Variants in MAP2K4 observed in about 807,000 individuals in gnomAD.
MAP2K4 encodes mitogen-activated protein kinase kinase 4.
In MAP2K4, 4 loss-of-function variants were observed where a neutral mutation model predicts 48.5. The observed-to-expected ratio is 0.08, with a 90% CI of 0.04 to 0.19. MAP2K4 has a LOEUF of 0.19. MAP2K4 is among the 10% of genes least tolerant of loss of function. The pLI is 1.00. For synonymous variants in MAP2K4, 166 were observed against 173.1 expected (o/e 0.96, Z 0.32); for missense variants, 258 against 493.3 (o/e 0.52, Z 4.52).
At chr17:12,103,352 T>TA (rs1008362472) in intron 4 of MAP2K4, among the ~76,000 whole-genome samples, 7 of 152,162 alleles carry the variant, frequency 4.6e-5, no homozygotes, top group Non-Finnish European at 8.8e-5. Context: ...TGGCCTCCGT[T>TA]ACATGATTTT....
chr17:12,107,952 T>A, intron 5 of MAP2K4, 43 bp downstream of exon 5: 1 of 1,468,752 alleles, frequency 6.8e-7, no homozygotes. Context: ...TATATAGTTA[T>A]ATAGAGATGC....
At chr17:12,125,241 C>T (rs1972818177) in intron 7 of MAP2K4, 53 bp from the exon 8 acceptor site, 1 of 1,363,304 alleles carries the variant, frequency 7.3e-7, no homozygotes, top group Non-Finnish European at 1.1e-6. Flanking sequence ...TTCCATTTGC[C>T]TATTCCTTGA....
At chr17:12,133,228 CATG>C (rs1973090206) in intron 9 of MAP2K4, among the ~76,000 whole-genome samples, 3 of 152,118 alleles carry the variant, frequency 2.0e-5, no homozygotes, top group African/African-American at 7.2e-5. Context: ...ACTACAGGCT[CATG>C]CCACCATGCC....
chr17:12,106,517 A>C (rs1048702054), intron 4 of MAP2K4, among the ~76,000 whole-genome samples: 7 of 152,120 alleles, frequency 4.6e-5, no homozygotes, highest in Admixed American at 6.6e-5. Context: ...ATTCATGGGT[A>C]GTGTATTGTT....
intron 2 of MAP2K4, among the ~76,000 whole-genome samples, 198 bp downstream of exon 2, chr17:12,055,189 C>A (rs948021679): frequency 1.3e-5 from 2 of 152,220 alleles, no homozygotes; most frequent in East Asian, 3.9e-4. Context: ...TTCTGTCCAA[C>A]TGTACAAATT....
intron 1 of MAP2K4, among the ~76,000 whole-genome samples, chr17:12,041,085 A>G (rs1217112106): frequency 6.6e-6 from 1 of 152,280 alleles, no homozygotes; most frequent in Non-Finnish European, 1.5e-5. Flanking sequence ...TTTGAGTGCC[A>G]TTCACGCTCT....
Position 12,142,642 on chromosome 17 carries a change from C to T in MAP2K4, c.*1382C>T. 1 of 233,170 alleles carries T rather than the reference C, an allele frequency of 4.3e-6. No homozygotes were observed. The highest frequency in any genetic ancestry group is 1.8e-4 in the South Asian group (1 of 5,520). The allele number at this position is 233,170 out of a possible 1,614,324, so 14.4% of individuals were successfully genotyped here. ...TTACGTTCATCACCTGCTAGAACCT[C>T]TCGTAGTCCATCACCATTTCTTGGC... On this transcript the variant is annotated 3_prime_UTR_variant, in exon 11 of 11. Coordinates refer to ENST00000353533, the MANE Select transcript of MAP2K4 (RefSeq NM_003010.4).
chr17:12,092,206 TTA>T (rs1489348564), intron 3 of MAP2K4, among the ~76,000 whole-genome samples: 2 of 152,172 alleles, frequency 1.3e-5, no homozygotes, highest in Non-Finnish European at 2.9e-5. Context: ...ACTTTTAAAT[TTA>T]TATAAATAAA....
intron 4 of MAP2K4, among the ~76,000 whole-genome samples, chr17:12,107,407 A>C (rs1257813998): frequency 2.1e-5 from 3 of 139,588 alleles, no homozygotes; most frequent in African/African-American, 8.0e-5. Flanking sequence ...TTTTTGGCTA[A>C]TTTAAGAAGT....
intron 7 of MAP2K4, among the ~76,000 whole-genome samples, chr17:12,114,442 C>T (rs920559888): frequency 1.3e-5 from 2 of 149,866 alleles, no homozygotes; most frequent in Admixed American, 1.3e-4. Context: ...TGTGGTAAGA[C>T]CTTTTAAACT....
intron 1 of MAP2K4, chr17:12,032,388 C>G: frequency 3.8e-6 from 2 of 523,354 alleles, no homozygotes; most frequent in Non-Finnish European, 6.0e-6. Context: ...TTCAGCTAAC[C>G]AGCCATGGCA....
At chr17:12,074,612 G>C (rs1042119059) in intron 2 of MAP2K4, among the ~76,000 whole-genome samples, 3 of 152,152 alleles carry the variant, frequency 2.0e-5, no homozygotes, top group African/African-American at 7.2e-5. Context: ...CTTCAGGCTT[G>C]TATAGGTTCC....
chr17:12,128,972 TCTA>T (rs1333799573), intron 8 of MAP2K4, among the ~76,000 whole-genome samples, 164 bp from the exon 9 acceptor site: 1 of 152,226 alleles, frequency 6.6e-6, no homozygotes, highest in African/African-American at 2.4e-5. Context: ...AAATATAACT[TCTA>T]CTTAGCCTTT....
chr17:12,060,730 T>G (rs72821243), intron 2 of MAP2K4, among the ~76,000 whole-genome samples: 205 of 117,328 alleles, frequency 1.7e-3, no homozygotes, highest in Middle Eastern at 6.0e-3. Context: ...TACTATGGGG[T>G]GTGTGTGTGT....
In MAP2K4 at chr17:12,054,961, C is replaced by T. The variant is rs750208931; in HGVS notation, c.188C>T (p.Pro63Leu). The stretch of plus-strand genomic sequence containing the variant: ...TCTACAGCAAGGTTTACTCTGAATC[C>T]CAATCCTACAGGAGTTCAAAACCCA... ...FKSTARFTLN[P>L]NPTGVQNPHI... The change falls in exon 2 of 11, where the codon CCC (proline) becomes CTC (leucine). Residue 63 changes from proline (P) to leucine (L), a missense_variant. Transcript: ENST00000353533. 1.2e-6 allele frequency: 2 copies of T among 1,611,688 alleles called. No individual in the cohort carries two copies. The highest frequency in any genetic ancestry group is 1.7e-6 in the Non-Finnish European group (2 of 1,178,266).
At chr17:12,100,752 C>A (rs1333168208) in intron 4 of MAP2K4, among the ~76,000 whole-genome samples, 1 of 152,014 alleles carries the variant, frequency 6.6e-6, no homozygotes, top group South Asian at 2.1e-4. Context: ...AATCTTTAGC[C>A]GTTCTAGTAA....
intron 2 of MAP2K4, among the ~76,000 whole-genome samples, chr17:12,055,631 T>C (rs1254537903): frequency 6.6e-6 from 1 of 151,972 alleles, no homozygotes; most frequent in African/African-American, 2.4e-5. Context: ...CATTTTTTTT[T>C]AAGTAATTTC....
At chr17:12,140,810 G>A (rs28921109) in intron 10 of MAP2K4, among the ~76,000 whole-genome samples, 20 of 152,290 alleles carry the variant, frequency 1.3e-4, no homozygotes, top group Non-Finnish European at 2.5e-4. Context: ...CTCTTAGATG[G>A]TGTGGTGGAG....
chr17:12,139,428 T>C (rs1045066260), intron 9 of MAP2K4, among the ~76,000 whole-genome samples: 2 of 152,198 alleles, frequency 1.3e-5, no homozygotes, highest in African/African-American at 4.8e-5. Flanking sequence ...CCAGAATTAC[T>C]TGATTGCTGG....
Sources: gnomAD v4.1 joint callset for allele counts (sites outside exome capture counted in the v4.1 genomes callset) on GRCh38, gnomAD v4.1.1 for gene constraint, MANE v1.5 for transcripts, NCBI Gene and HGNC (gene_info 2026-07-23, HGNC 2026-07-21) for gene names.